Variants in HHAT observed in about 807,000 individuals in gnomAD.
HHAT encodes the protein hedgehog acyltransferase.
HHAT carries 47 observed loss-of-function variants against 70.8 expected under a neutral mutation model. The observed-to-expected ratio is 0.66, with a 90% CI of 0.53 to 0.85. HHAT has a LOEUF of 0.85. Among genes scored for constraint, HHAT ranks in the 40% least tolerant of loss-of-function variants. HHAT has a pLI of 0.00. For synonymous variants in HHAT, 228 were observed against 247.6 expected (o/e 0.92, Z 0.74); for missense variants, 609 against 604.8 (o/e 1.01, Z -0.07).
At chr1:210,353,449 TTTTTTA>T (rs1479119985) in intron 2 of HHAT, among the ~76,000 whole-genome samples, 2,055 of 125,262 alleles carry the variant, frequency 0.016, 64 homozygotes, top group African/African-American at 0.053. Context: ...TTTTTTTTTT[TTTTTTA>T]AAAAAAAGCA....
intron 9 of HHAT, among the ~76,000 whole-genome samples, chr1:210,529,196 T>G (rs547497297): frequency 2.6e-4 from 40 of 152,010 alleles, no homozygotes; most frequent in African/African-American, 9.4e-4. Flanking sequence ...TCCCAGCTAC[T>G]TGGGAGGTTG....
chr1:210,663,175 A>G (rs1474930764), intron 11 of HHAT, among the ~76,000 whole-genome samples: 1 of 152,162 alleles, frequency 6.6e-6, no homozygotes, highest in Non-Finnish European at 1.5e-5. Flanking sequence ...GTGCTCATCT[A>G]TGCTTTCTCT....
intron 7 of HHAT, among the ~76,000 whole-genome samples, chr1:210,441,017 C>T (rs1216131806): frequency 1.3e-5 from 2 of 152,228 alleles, no homozygotes; most frequent in East Asian, 3.8e-4. Flanking sequence ...GCAGCCAGGA[C>T]TCAAACCCCA....
At chr1:210,340,249 A>AGGG (rs1558310386) in intron 1 of HHAT, among the ~76,000 whole-genome samples, 6 of 80,310 alleles carry the variant, frequency 7.5e-5, no homozygotes, top group African/African-American at 1.5e-4. Context: ...TCAGAAAAAA[A>AGGG]AAAAAAAAAA....
intron 1 of HHAT, among the ~76,000 whole-genome samples, chr1:210,332,075 C>T (rs901788974): frequency 2.4e-4 from 36 of 152,230 alleles, no homozygotes; most frequent in African/African-American, 8.7e-4. Context: ...ATTTTAATCA[C>T]ATCCTGCAAA....
chr1:210,667,392 A>AAATG (rs1679140538), intron 11 of HHAT, among the ~76,000 whole-genome samples: 1 of 151,946 alleles, frequency 6.6e-6, no homozygotes. Context: ...ATAAATAAAT[A>AAATG]AATAAATAAA....
chr1:210,635,395 A>G (rs1270320656), intron 11 of HHAT, among the ~76,000 whole-genome samples: 1 of 152,190 alleles, frequency 6.6e-6, no homozygotes, highest in East Asian at 1.9e-4. Flanking sequence ...CATCCTTAGT[A>G]GGCTGAGAGA....
chr1:210,369,919 A>G (rs1004007258), intron 3 of HHAT: 2 of 152,242 alleles, frequency 1.3e-5, no homozygotes, highest in African/African-American at 4.8e-5. Context: ...ATGAAGTGCC[A>G]TATGCGGAGT....
chr1:210,384,221 AACC>A (rs1310340347), intron 3 of HHAT, among the ~76,000 whole-genome samples: 1 of 152,198 alleles, frequency 6.6e-6, no homozygotes, highest in Non-Finnish European at 1.5e-5. Flanking sequence ...CAGAATAAAC[AACC>A]ACATTTGTTA....
chr1:210,597,193 G>T (rs1663197906), intron 10 of HHAT, among the ~76,000 whole-genome samples: 1 of 152,204 alleles, frequency 6.6e-6, no homozygotes, highest in South Asian at 2.1e-4. Context: ...AATGGAGTCT[G>T]TGTGCTAAAC....
chr1:210,568,604 C>T (rs1329720485), intron 9 of HHAT, among the ~76,000 whole-genome samples: 1 of 152,164 alleles, frequency 6.6e-6, no homozygotes, highest in Non-Finnish European at 1.5e-5. Context: ...AGCATAGGGG[C>T]TCAAGAGCCC....
chr1:210,386,703 G>A lies in HHAT; in HGVS notation c.160-765G>A, dbSNP rs550823678. On this transcript the variant is annotated intron_variant, in intron 3 of 11. Transcript: ENST00000261458. The stretch of plus-strand genomic sequence containing the variant: ...CTCCACGCTCCTCTTGGCCTCCGTG[G>A]TCCTTTCTGGGGCTCCTGAGGCCAT... 1.1e-3 allele frequency among the ~76,000 whole-genome samples: 169 copies of A among 152,204 alleles called. 1 individual carries two copies. The highest frequency in any genetic ancestry group is 3.1e-3 in the Admixed American group (47 of 15,290).
chr1:210,378,790 A>T (rs2090419494), intron 3 of HHAT, among the ~76,000 whole-genome samples: 1 of 152,170 alleles, frequency 6.6e-6, no homozygotes, highest in South Asian at 2.1e-4. Flanking sequence ...CATTGGGTTG[A>T]CCTAGCTGGT....
chr1:210,545,869 T>A (rs1482648356), intron 9 of HHAT, among the ~76,000 whole-genome samples: 1 of 152,242 alleles, frequency 6.6e-6, no homozygotes, highest in Non-Finnish European at 1.5e-5. Flanking sequence ...ATTTGGCTGC[T>A]TTTCTTCCCT....
chr1:210,446,997 A>G (rs1292795725), intron 7 of HHAT, among the ~76,000 whole-genome samples: 1 of 152,234 alleles, frequency 6.6e-6, no homozygotes, highest in Non-Finnish European at 1.5e-5. Context: ...TTGACACTCC[A>G]TAAATATTTG....
intron 10 of HHAT, among the ~76,000 whole-genome samples, chr1:210,615,125 C>A (rs555205938): frequency 7.9e-5 from 12 of 152,326 alleles, no homozygotes; most frequent in Non-Finnish European, 1.5e-4. Flanking sequence ...GAGATGATAT[C>A]TCATTGTGGT....
intron 4 of HHAT, 110 bp downstream of exon 4, chr1:210,387,691 G>GA (rs2091186641): frequency 5.4e-6 from 4 of 740,316 alleles, no homozygotes; most frequent in Non-Finnish European, 6.8e-6. Context: ...TGGGAGCCTG[G>GA]AAAAAATGAT....
chr1:210,512,520 A>G (rs527402092), intron 8 of HHAT, among the ~76,000 whole-genome samples: 8 of 151,620 alleles, frequency 5.3e-5, no homozygotes, highest in Non-Finnish European at 8.8e-5. Flanking sequence ...AAAAAATTAA[A>G]TATTAGCCAG....
At chr1:210,595,924 A>T (rs576319481) in intron 10 of HHAT, among the ~76,000 whole-genome samples, 76 of 152,096 alleles carry the variant, frequency 5.0e-4, no homozygotes, top group Non-Finnish European at 6.0e-4. Context: ...AGGTTGCCTG[A>T]TCACTCTGAT....
Sources: allele counts gnomAD v4.1 joint callset (sites outside exome capture counted in the v4.1 genomes callset), GRCh38; gene constraint gnomAD v4.1.1; transcripts MANE v1.5; gene names NCBI Gene and HGNC (gene_info 2026-07-23, HGNC 2026-07-21).